PBLD: variants seen among roughly 807,000 people sequenced by gnomAD.
The protein encoded by PBLD is phenazine biosynthesis-like domain-containing protein.
Under a neutral mutation model 31.3 loss-of-function variants are expected in PBLD, and 26 were observed. That is an observed-to-expected ratio of 0.83 (90% CI 0.61 to 1.15). PBLD has a LOEUF of 1.15. PBLD is among the 50% of genes most tolerant of loss of function. PBLD has a pLI of 0.00. For synonymous variants in PBLD, 114 were observed against 129.0 expected, an observed-to-expected ratio of 0.88 and a Z score of 0.79; for missense variants, 307 against 351.7, an observed-to-expected ratio of 0.87 and a Z score of 1.02.
chr10:68,296,200 T>C, intron 4 of PBLD, 66 bp downstream of exon 4: 1 of 1,176,952 alleles, frequency 8.5e-7, no homozygotes, highest in South Asian at 1.4e-5. Context: ...AAAAAGTGTG[T>C]GTGAGAACTT....
At chr10:68,293,239 C>A (rs1398763111) in intron 4 of PBLD, among the ~76,000 whole-genome samples, 1 of 152,078 alleles carries the variant, frequency 6.6e-6, no homozygotes, top group African/African-American at 2.4e-5. Context: ...CTAAGATACG[C>A]CAAGGGAATA....
chr10:68,286,854 G>A (rs189243282), intron 8 of PBLD, among the ~76,000 whole-genome samples: 43 of 66,364 alleles, frequency 6.5e-4, no homozygotes, highest in Non-Finnish European at 7.8e-5. Context: ...GAAAACCTAT[G>A]AAGTGTTATG....
chr10:68,315,810 T>C (rs535221823), intron 1 of PBLD, among the ~76,000 whole-genome samples: 1 of 152,260 alleles, frequency 6.6e-6, no homozygotes, highest in South Asian at 2.1e-4. Context: ...TGCCCCAGCA[T>C]GTACAACTGA....
intron 6 of PBLD, among the ~76,000 whole-genome samples, 184 bp from the exon 7 acceptor site, chr10:68,289,203 T>C (rs2044325899): frequency 6.6e-6 from 1 of 152,144 alleles, no homozygotes; most frequent in Admixed American, 6.6e-5. Flanking sequence ...GTCAGTCTCC[T>C]GGCTACCAAA....
intron 2 of PBLD, among the ~76,000 whole-genome samples, chr10:68,305,598 A>G (rs1230632293): frequency 1.3e-5 from 2 of 152,128 alleles, no homozygotes; most frequent in Non-Finnish European, 2.9e-5. Context: ...TATTAAAAAT[A>G]TAAAAAATTA....
Position 68,283,885 on chromosome 10 carries a change from TACAGGCA to T in PBLD, c.*285_*291del. 1 of 268,282 alleles carries T rather than the reference TACAGGCA, an allele frequency of 3.7e-6. No individual in the cohort carries two copies. Among genetic ancestry groups the T allele is most frequent in the Non-Finnish European group, 7.3e-6 (1 of 137,790 alleles). 16.6% of individuals were successfully genotyped at this position (268,282 alleles called of 1,614,324 possible). ...CCTCAGCCTCCCAAGTAGCTGGAAT[TACAGGCA>T]TGTGGCACCACACCCAGCTAATTTT... On this transcript the variant is annotated 3_prime_UTR_variant, in exon 10 of 10. Coordinates refer to ENST00000358769, the MANE Select transcript of PBLD (RefSeq NM_022129.4).
chr10:68,294,733 T>C (rs1442453305), intron 4 of PBLD, among the ~76,000 whole-genome samples: 1 of 152,210 alleles, frequency 6.6e-6, no homozygotes, highest in South Asian at 2.1e-4. Flanking sequence ...ACTTTCTTTT[T>C]CTTCTTTTCC....
At chr10:68,285,582 G>C (rs2044276609) in intron 8 of PBLD, among the ~76,000 whole-genome samples, 172 bp from the exon 9 acceptor site, 1 of 152,102 alleles carries the variant, frequency 6.6e-6, no homozygotes, top group Non-Finnish European at 1.5e-5. Flanking sequence ...GAGATAAAAA[G>C]GAAGACATAG....
intron 1 of PBLD, among the ~76,000 whole-genome samples, chr10:68,309,020 G>T (rs1197276904): frequency 6.7e-6 from 1 of 150,258 alleles, no homozygotes; most frequent in African/African-American, 2.5e-5. Context: ...TGGGGAGAGT[G>T]ATGTATATTT....
intron 1 of PBLD, among the ~76,000 whole-genome samples, chr10:68,330,748 G>A (rs887077633): frequency 1.8e-5 from 2 of 109,412 alleles, no homozygotes; most frequent in African/African-American, 6.3e-5. Flanking sequence ...GTGTGTGTGT[G>A]TGTGTGTGTA....
intron 1 of PBLD, among the ~76,000 whole-genome samples, chr10:68,319,077 A>AAGAG (rs1392856533): frequency 3.1e-5 from 4 of 129,804 alleles, no homozygotes; most frequent in Non-Finnish European, 6.3e-5. Context: ...GAAAGAAAGA[A>AAGAG]AGAAAGAAAG....
intron 4 of PBLD, among the ~76,000 whole-genome samples, chr10:68,294,878 C>T (rs2044404636): frequency 6.6e-6 from 1 of 152,218 alleles, no homozygotes; most frequent in Admixed American, 6.5e-5. Context: ...CCGGCGCCCG[C>T]CACCATGCTC....
intron 2 of PBLD, among the ~76,000 whole-genome samples, chr10:68,304,251 A>G (rs956633398): frequency 6.6e-6 from 1 of 152,210 alleles, no homozygotes; most frequent in African/African-American, 2.4e-5. Flanking sequence ...CTAGGAGGAT[A>G]AGATTCTCAC....
intron 9 of PBLD, among the ~76,000 whole-genome samples, chr10:68,284,589 C>T (rs1427573714): frequency 6.6e-6 from 1 of 152,178 alleles, no homozygotes; most frequent in Non-Finnish European, 1.5e-5. Flanking sequence ...ATCGCTTCTT[C>T]CCCTGCTCTC....
chr10:68,332,782 A>G lies in PBLD; in HGVS notation c.-60+2T>C, dbSNP rs1380554562. ...CTTCCTCCGCAGTCTCGGCAGGGCT[A>G]CCTGGGCTGACGGGACTGCGAGTGA... On this transcript the variant is annotated splice_donor_variant, in intron 1 of 9. Transcript: ENST00000358769. LOFTEE classifies it low-confidence loss of function (5UTR_SPLICE). 1 of 152,242 alleles carries G rather than the reference A, an allele frequency of 6.6e-6. No homozygotes were observed. The highest frequency in any genetic ancestry group is 2.1e-4 in the South Asian group (1 of 4,836). 9.4% of individuals were successfully genotyped at this position (152,242 alleles called of 1,614,324 possible).
chr10:68,294,234 C>T (rs935424959), intron 4 of PBLD, among the ~76,000 whole-genome samples: 2 of 152,156 alleles, frequency 1.3e-5, no homozygotes, highest in African/African-American at 2.4e-5. Flanking sequence ...CTCCTCCTCT[C>T]GCTCTAGCTC....
chr10:68,288,278 G>T (rs1039241625), intron 8 of PBLD: 3 of 589,642 alleles, frequency 5.1e-6, no homozygotes, highest in Non-Finnish European at 8.7e-6. Context: ...CTGACACTCA[G>T]GTTTAACCCT....
intron 3 of PBLD, among the ~76,000 whole-genome samples, 171 bp from the exon 4 acceptor site, chr10:68,296,535 T>TCTGG (rs2044430674): frequency 6.6e-6 from 1 of 152,122 alleles, no homozygotes; most frequent in South Asian, 2.1e-4. Flanking sequence ...CAGTGCTAGA[T>TCTGG]CTGGAATGGA....
rs548926964 is a variant in PBLD, at chr10:68,294,665, C to A, written c.283+1601G>T. On this transcript the variant is annotated intron_variant, in intron 4 of 9. Transcript: ENST00000358769. ...CTTTAGAGCTCCCCACGGATTTGGCCTAGGCCTTTCCTTGTTGCTACTACT... is the reference window on the plus strand; with the variant it reads ...CTTTAGAGCTCCCCACGGATTTGGCATAGGCCTTTCCTTGTTGCTACTACT... 2.6e-5 allele frequency among the ~76,000 whole-genome samples: 4 copies of A among 152,374 alleles called. No individual in the cohort carries two copies. The South Asian group carries it at 8.3e-4, about 32-fold the overall frequency.
Sources: allele counts gnomAD v4.1 joint callset (sites outside exome capture counted in the v4.1 genomes callset), GRCh38; gene constraint gnomAD v4.1.1; transcripts MANE v1.5; gene names NCBI Gene and HGNC (gene_info 2026-07-23, HGNC 2026-07-21).